CD4: variants seen among roughly 807,000 people sequenced by gnomAD.
The protein encoded by CD4 is T-cell surface glycoprotein CD4.
CD4 carries 25 observed loss-of-function variants against 50.5 expected under a neutral mutation model. The observed-to-expected ratio is 0.49, with a 90% CI of 0.36 to 0.69. CD4 has a LOEUF of 0.69. CD4 is among the 30% of genes least tolerant of loss of function. The probability of loss-of-function intolerance (pLI) is 0.00; values close to 1 mark genes in which losing one functional copy is unlikely to be tolerated. For missense variants in CD4, 456 were observed against 548.5 expected (o/e 0.83, Z 1.68); for synonymous variants, 207 against 221.9 (o/e 0.93, Z 0.60).
chr12:6,798,705 A>G (rs1942451692), intron 1 of CD4, among the ~76,000 whole-genome samples: 1 of 152,104 alleles, frequency 6.6e-6, no homozygotes, highest in Non-Finnish European at 1.5e-5. Context: ...TCAGGCCCCA[A>G]TTCTTGGGAA....
chr12:6,819,162 A>C, intron 9 of CD4, 137 bp from the exon 10 acceptor site: 10 of 888,988 alleles, frequency 1.1e-5, no homozygotes, highest in Non-Finnish European at 1.9e-5. Flanking sequence ...GATGGAGCTG[A>C]AGGAGCAGCA....
rs202107578 is a variant in CD4 at position 6,817,298 on chromosome 12, C to G, written c.1124C>G (p.Ser375Trp). ...ATGTGGCAGTGTCTGCTGAGTGACT[C>G]GGGACAGGTCCTGCTGGAATCCAAC... ...AGMWQCLLSD[S>W]GQVLLESNIK... Residue 375 changes from serine (S) to tryptophan (W), a missense_variant, in exon 7 of 10, where the codon TCG becomes TGG. Transcript: ENST00000011653. 2 of 1,566,714 alleles carry G rather than the reference C, an allele frequency of 1.3e-6. No individual in the cohort carries two copies. Among genetic ancestry groups the G allele is most frequent in the African/African-American group, 2.7e-5 (2 of 73,684 alleles).
intron 3 of CD4, among the ~76,000 whole-genome samples, chr12:6,805,857 G>A (rs1287238880): frequency 2.0e-5 from 3 of 151,294 alleles, no homozygotes; most frequent in Admixed American, 6.6e-5. Flanking sequence ...TGGGAAGATC[G>A]CTTGAGCCCA....
chr12:6,805,817 C>T (rs1555116071), intron 3 of CD4, among the ~76,000 whole-genome samples: 2 of 151,920 alleles, frequency 1.3e-5, no homozygotes, highest in African/African-American at 4.8e-5. Flanking sequence ...TGGCTTACAC[C>T]TGTAATCCTA....
At position 6,819,675 on chromosome 12, in the gene CD4, T is replaced by C. The variant is rs199739909; in HGVS notation, c.*346T>C. ...GGCATGGAGGGTGAGGCTGGGTGTC[T>C]GGAAGCATGGAGCATGGGACTGTTC... On this transcript the variant is annotated 3_prime_UTR_variant, in exon 10 of 10. Transcript: ENST00000011653. 1 of 333,020 alleles carries C rather than the reference T, an allele frequency of 3.0e-6. No homozygotes were observed. Among genetic ancestry groups the C allele is most frequent in the South Asian group, 3.5e-5 (1 of 28,496 alleles). The allele number at this position is 333,020 out of a possible 1,614,324, so 20.6% of individuals were successfully genotyped here. A position where few individuals can be genotyped will look rare whatever the true frequency, so the allele number is the denominator to read the frequency against.
chr12:6,799,645 T>C lies in CD4; in HGVS notation c.-67-427T>C, dbSNP rs1942475862. 4 of 155,352 alleles carry C rather than the reference T, an allele frequency of 2.6e-5. No individual in the cohort carries two copies. In the South Asian group the frequency reaches 7.8e-4, roughly 30 times the overall value. The allele number at this position is 155,352 out of a possible 1,614,324, so 9.6% of individuals were successfully genotyped here. On this transcript the variant is annotated intron_variant, in intron 1 of 9. Coordinates refer to ENST00000011653, the MANE Select transcript of CD4 (RefSeq NM_000616.5). ...ACAGGTGCATGCCACCACGCCCGGC[T>C]AATTTTTGTATTTTTAGTAGAGATG...
chr12:6,807,206 C>A (rs889072958), intron 3 of CD4, among the ~76,000 whole-genome samples: 5 of 152,000 alleles, frequency 3.3e-5, no homozygotes, highest in Non-Finnish European at 7.4e-5. Context: ...ATGCAACAAT[C>A]CAGCAATATT....
At chr12:6,812,858 C>T (rs569115488) in intron 3 of CD4, among the ~76,000 whole-genome samples, 4 of 149,504 alleles carry the variant, frequency 2.7e-5, no homozygotes, top group Non-Finnish European at 5.9e-5. Context: ...GTGGTGCGAT[C>T]TCACTGCAAA....
chr12:6,793,702 A>G (rs60392033), intron 1 of CD4, among the ~76,000 whole-genome samples: 2 of 15,426 alleles, frequency 1.3e-4, no homozygotes, highest in African/African-American at 4.4e-4. Flanking sequence ...CTATCTATCT[A>G]TCTTTTTTTT....
In CD4 at chr12:6,800,862, C is replaced by A. The variant is rs1239405209; in HGVS notation, c.214+391C>A. On this transcript the variant is annotated intron_variant, in intron 3 of 9. Transcript: ENST00000011653. ...TTGCTTGAGTCCAGGAGTTCAAGAC[C>A]AGCCTGAACAACATAGTGAGACTCT... 2.0e-5 allele frequency among the ~76,000 whole-genome samples: 3 copies of A among 151,830 alleles called. No homozygotes were observed. In the East Asian group the frequency reaches 5.8e-4, roughly 29 times the overall value.
chr12:6,797,661 A>C (rs1224952458), intron 1 of CD4, among the ~76,000 whole-genome samples: 1 of 152,160 alleles, frequency 6.6e-6, no homozygotes, highest in African/African-American at 2.4e-5. Context: ...GCAGAAAAAC[A>C]TATGAGCAAA....
intron 1 of CD4, among the ~76,000 whole-genome samples, chr12:6,791,222 C>T (rs1331867875): frequency 1.3e-5 from 2 of 152,180 alleles, no homozygotes; most frequent in African/African-American, 2.4e-5. Flanking sequence ...ATTGGCTAGA[C>T]CAATTGTCTT....
In CD4 at chr12:6,792,552, C is replaced by T. The variant is rs993430992; in HGVS notation, c.-68+2890C>T. On this transcript the variant is annotated intron_variant, in intron 1 of 9. Transcript: ENST00000011653. The surrounding 1 kb of genome is among the most constrained non-coding windows in gnomAD (Gnocchi z 4.1). ...CTCCCACATCTTTCCCTCCCCTCCTCCCTTGAGGCTCTGTGCATTCTGGGG... is the reference window on the plus strand; with the variant it reads ...CTCCCACATCTTTCCCTCCCCTCCTTCCTTGAGGCTCTGTGCATTCTGGGG... Among the ~76,000 whole-genome samples the T allele has an allele frequency of 1.3e-5, 2 of 152,210 alleles. No individual in the cohort carries two copies. The highest frequency in any genetic ancestry group is 1.3e-4 in the Admixed American group (2 of 15,280).
At chr12:6,797,625 A>G (rs1359365448) in intron 1 of CD4, among the ~76,000 whole-genome samples, 2 of 152,096 alleles carry the variant, frequency 1.3e-5, no homozygotes, top group African/African-American at 2.4e-5. Flanking sequence ...TGGTGGGGCT[A>G]TAGGGTGAAG....
In CD4 at chr12:6,793,970, A is replaced by ATATCTATCTATCTATCTATCTATCTATC. The variant is rs35782413; in HGVS notation, c.-68+4317_-68+4344dup. ...CACGACACCCGGCTTCTATCTATCT[A>ATATCTATCTATCTATCTATCTATCTATC]TATCTATCTATCTATCTATCTATCT... On this transcript the variant is annotated intron_variant, in intron 1 of 9. Coordinates refer to ENST00000011653, the MANE Select transcript of CD4 (RefSeq NM_000616.5). Among the ~76,000 whole-genome samples, 219 of 133,914 alleles carry ATATCTATCTATCTATCTATCTATCTATC rather than the reference A, an allele frequency of 1.6e-3. 1 individual carries two copies. The highest frequency in any genetic ancestry group is 1.9e-3 in the Non-Finnish European group (122 of 64,308). The allele number at this position is 133,914 out of a possible 152,430, so 87.9% of individuals were successfully genotyped here. A position where few individuals can be genotyped will look rare whatever the true frequency, so the allele number is the denominator to read the frequency against.
intron 5 of CD4, 25 bp downstream of exon 5, chr12:6,815,017 G>A: frequency 6.6e-7 from 1 of 1,508,086 alleles, no homozygotes; most frequent in Non-Finnish European, 9.2e-7. Context: ...TCTTCGCGCA[G>A]TCTCCTCCCT....
chr12:6,804,162 G>GCA (rs57392353), intron 3 of CD4, among the ~76,000 whole-genome samples: 2,134 of 150,416 alleles, frequency 0.014, 28 homozygotes, highest in African/African-American at 0.034. Context: ...AAAATAAAAA[G>GCA]CACACACACA....
At position 6,801,343 on chromosome 12, in the gene CD4, C is replaced by T. The variant is rs142290163; in HGVS notation, c.214+872C>T. On this transcript the variant is annotated intron_variant, in intron 3 of 9. Transcript: ENST00000011653. ...ACCAGTCTGGCCAACATGGTGAAAC[C>T]CGGTCTCTACTAAAAATACAAAAAT... Among the ~76,000 whole-genome samples the T allele has an allele frequency of 5.6e-3, 845 of 149,706 alleles. 8 individuals are homozygous for T. The highest frequency in any genetic ancestry group is 0.02 in the African/African-American group (814 of 41,020).
In CD4 at chr12:6,818,707, CAG is replaced by C; in HGVS notation, c.1279-135_1279-134del. On this transcript the variant is annotated intron_variant, in intron 8 of 9. Transcript: ENST00000011653. This position sits in a 1 kb window ranked among gnomAD's most constrained non-coding sequence, Gnocchi z 5.0. Reference sequence around the variant, plus strand: ...CACTCAAGGGAGAGACAGGAAGGAGCAGAGAGTTAATTCCAGGATAGATGGCC... The same window carrying C: ...CACTCAAGGGAGAGACAGGAAGGAGCAGAGTTAATTCCAGGATAGATGGCC... The C allele has an allele frequency of 4.2e-6, 5 of 1,185,768 alleles. No individual in the cohort carries two copies. The South Asian group carries it at 6.6e-5, about 16-fold the overall frequency. The allele number at this position is 1,185,768 out of a possible 1,614,324, so 73.5% of individuals were successfully genotyped here. A position where few individuals can be genotyped will look rare whatever the true frequency, so the allele number is the denominator to read the frequency against.
Sources: allele counts gnomAD v4.1 joint callset (sites outside exome capture counted in the v4.1 genomes callset), GRCh38; gene constraint gnomAD v4.1.1; non-coding constraint Gnocchi (gnomAD v3.1); transcripts MANE v1.5; gene names NCBI Gene and HGNC (gene_info 2026-07-23, HGNC 2026-07-21).